Variants in KCND2 observed in about 807,000 individuals in gnomAD.
The protein encoded by KCND2 is potassium voltage-gated channel subfamily D member 2.
A neutral mutation model predicts 54.4 loss-of-function variants in KCND2; 16 were observed. The observed-to-expected ratio is 0.29, with a 90% CI of 0.20 to 0.45. The LOEUF is 0.45. KCND2 is among the 20% of genes least tolerant of loss of function. The pLI is 1.00. For synonymous variants in KCND2, 317 were observed against 310.7 expected, an observed-to-expected ratio of 1.02 and a Z score of -0.21; for missense variants, 486 against 824.2, an observed-to-expected ratio of 0.59 and a Z score of 5.02.
chr7:120,541,064 A>G (rs972300115), intron 1 of KCND2, among the ~76,000 whole-genome samples: 2 of 152,154 alleles, frequency 1.3e-5, no homozygotes, highest in African/African-American at 4.8e-5. Context: ...CCCATGCTCT[A>G]TTTCAGATTT....
At chr7:120,524,880 G>C (rs1039717040) in intron 1 of KCND2, among the ~76,000 whole-genome samples, 1 of 152,152 alleles carries the variant, frequency 6.6e-6, no homozygotes, top group Non-Finnish European at 1.5e-5. Flanking sequence ...TGTGTTCAAC[G>C]TCGGGATAGG....
At chr7:120,647,357 C>A (rs2116539538) in intron 1 of KCND2, among the ~76,000 whole-genome samples, 1 of 152,326 alleles carries the variant, frequency 6.6e-6, no homozygotes, top group East Asian at 1.9e-4. Flanking sequence ...CAAACACCTA[C>A]ACCACAGCTG....
At chr7:120,307,449 T>G (rs1799665315) in intron 1 of KCND2, among the ~76,000 whole-genome samples, 1 of 152,070 alleles carries the variant, frequency 6.6e-6, no homozygotes, top group African/African-American at 2.4e-5. Context: ...CAAAATATTT[T>G]GAACATAGTG....
intron 1 of KCND2, among the ~76,000 whole-genome samples, chr7:120,347,337 T>A (rs879774598): frequency 1.3e-5 from 2 of 152,216 alleles, no homozygotes; most frequent in Admixed American, 1.3e-4. Context: ...AAACAGGCCC[T>A]ATTCTAACCC....
At chr7:120,644,761 A>G (rs1421694234) in intron 1 of KCND2, among the ~76,000 whole-genome samples, 1 of 152,192 alleles carries the variant, frequency 6.6e-6, no homozygotes, top group Non-Finnish European at 1.5e-5. Flanking sequence ...TTAGGAATAT[A>G]TTTACTTAAG....
At position 120,273,514 on chromosome 7, in the gene KCND2, G is replaced by A. The variant is rs1426805246; in HGVS notation, c.-1119G>A. The stretch of plus-strand genomic sequence containing the variant: ...GCAGGAGCGAGTCCCCTCCGTTCTC[G>A]CCTCCCCCGCACCTTTTGAACTTGT... On this transcript the variant is annotated 5_prime_UTR_variant, in exon 1 of 6. Coordinates refer to ENST00000331113, the MANE Select transcript of KCND2 (RefSeq NM_012281.3). Among the ~76,000 whole-genome samples the A allele has an allele frequency of 2.0e-5, 3 of 151,854 alleles. No homozygotes were observed. Among genetic ancestry groups the A allele is most frequent in the African/African-American group, 7.2e-5 (3 of 41,414 alleles).
intron 1 of KCND2, among the ~76,000 whole-genome samples, chr7:120,385,081 A>G (rs1382126345): frequency 8.1e-6 from 1 of 123,566 alleles, no homozygotes; most frequent in Non-Finnish European, 1.6e-5. Flanking sequence ...ATCTTGGTTC[A>G]CTACAACCTC....
intron 1 of KCND2, among the ~76,000 whole-genome samples, chr7:120,367,550 A>G (rs557136654): frequency 6.6e-6 from 1 of 151,614 alleles, no homozygotes; most frequent in South Asian, 2.1e-4. Context: ...GGGAAATTTC[A>G]GAAAATCCAT....
intron 1 of KCND2, among the ~76,000 whole-genome samples, chr7:120,720,320 G>A (rs1792650992): frequency 6.6e-6 from 1 of 152,084 alleles, no homozygotes; most frequent in African/African-American, 2.4e-5. Context: ...TAAGGGGAGG[G>A]CTGGAGACAA....
chr7:120,696,794 C>T (rs1174345735), intron 1 of KCND2, among the ~76,000 whole-genome samples: 1 of 152,160 alleles, frequency 6.6e-6, no homozygotes, highest in Admixed American at 6.5e-5. Flanking sequence ...TCACCAGATG[C>T]CAGCACCATG....
chr7:120,456,543 A>G (rs1039500540), intron 1 of KCND2, among the ~76,000 whole-genome samples: 11 of 152,242 alleles, frequency 7.2e-5, no homozygotes, highest in Non-Finnish European at 1.5e-4. Flanking sequence ...ACCCAATAAC[A>G]TCACAATAAT....
chr7:120,651,864 G>T (rs2116546030), intron 1 of KCND2, among the ~76,000 whole-genome samples: 1 of 152,210 alleles, frequency 6.6e-6, no homozygotes, highest in South Asian at 2.1e-4. Flanking sequence ...TGGCCTGAAA[G>T]GTAAACATCT....
At chr7:120,495,783 C>T (rs1189482894) in intron 1 of KCND2, among the ~76,000 whole-genome samples, 1 of 152,076 alleles carries the variant, frequency 6.6e-6, no homozygotes, top group Non-Finnish European at 1.5e-5. Context: ...CTACCTTAAG[C>T]TTAGTAGGCA....
At chr7:120,402,373 C>A (rs1801276948) in intron 1 of KCND2, among the ~76,000 whole-genome samples, 2 of 152,164 alleles carry the variant, frequency 1.3e-5, no homozygotes, top group Admixed American at 6.6e-5. Context: ...TAACTGAATG[C>A]ATTCCAGCTT....
chr7:120,286,179 A>C (rs753551797), intron 1 of KCND2, among the ~76,000 whole-genome samples: 32 of 151,938 alleles, frequency 2.1e-4, no homozygotes, highest in Non-Finnish European at 3.8e-4. Flanking sequence ...TATTTTCCAC[A>C]CTATTTAATT....
chr7:120,602,407 C>CA (rs1437433376), intron 1 of KCND2, among the ~76,000 whole-genome samples: 1 of 152,062 alleles, frequency 6.6e-6, no homozygotes, highest in African/African-American at 2.4e-5. Context: ...AGGCTTCCTG[C>CA]AATCATCTAT....
intron 1 of KCND2, among the ~76,000 whole-genome samples, chr7:120,491,412 T>C (rs1353414336): frequency 6.6e-6 from 1 of 152,176 alleles, no homozygotes; most frequent in Non-Finnish European, 1.5e-5. Context: ...AAAGGTTTTC[T>C]AGCATTATAG....
At chr7:120,679,309 G>C (rs1792111173) in intron 1 of KCND2, among the ~76,000 whole-genome samples, 1 of 151,504 alleles carries the variant, frequency 6.6e-6, no homozygotes, top group South Asian at 2.1e-4. Flanking sequence ...ATCATTTTTA[G>C]GCTTCTAATA....
At chr7:120,735,351 G>A (rs1305378901) in intron 2 of KCND2, among the ~76,000 whole-genome samples, 1 of 151,984 alleles carries the variant, frequency 6.6e-6, no homozygotes, top group Non-Finnish European at 1.5e-5. Context: ...TCCCTCTACT[G>A]AGTACAAACA....
Sources: gnomAD v4.1 joint callset for allele counts (sites outside exome capture counted in the v4.1 genomes callset) on GRCh38, gnomAD v4.1.1 for gene constraint, MANE v1.5 for transcripts, NCBI Gene and HGNC (gene_info 2026-07-23, HGNC 2026-07-21) for gene names.